PCGF2: variants seen among roughly 807,000 people sequenced by gnomAD.
The protein encoded by PCGF2 is polycomb group RING finger protein 2.
PCGF2 carries 8 observed loss-of-function variants against 36.1 expected under a neutral mutation model. That is an observed-to-expected ratio of 0.22 (90% CI 0.13 to 0.40). PCGF2 has a LOEUF of 0.40. Among genes scored for constraint, PCGF2 ranks in the 10% least tolerant of loss-of-function variants. The probability of loss-of-function intolerance (pLI) is 1.00; values close to 1 mark genes in which losing one functional copy is unlikely to be tolerated. For missense variants in PCGF2, 436 were observed against 475.9 expected (o/e 0.92, Z 0.78); for synonymous variants, 198 against 191.2 (o/e 1.04, Z -0.29).
intron 6 of PCGF2, 78 bp from the exon 7 acceptor site, chr17:38,738,939 A>G (rs940088742): frequency 1.3e-6 from 2 of 1,528,602 alleles, no homozygotes; most frequent in African/African-American, 1.4e-5. Context: ...TCATGAACTC[A>G]GCCAGGTGAG....
At chr17:38,749,601 C>T (rs1174547409), upstream of PCGF2, 3 of 454,788 alleles carry the variant, frequency 6.6e-6, no homozygotes, top group East Asian at 2.1e-4. The surrounding 1 kb of genome is among the most constrained non-coding windows in gnomAD (Gnocchi z 6.5). Context: ...CGGCCAGCAG[C>T]GCCATTAAGC....
In PCGF2 at chr17:38,739,401, C is replaced by T. The variant is rs1278821105; in HGVS notation, c.210-148G>A. On this transcript the variant is annotated intron_variant, in intron 4 of 10. Coordinates refer to ENST00000620225, the MANE Select transcript of PCGF2 (RefSeq NM_007144.3). The surrounding 1 kb of genome is among the most constrained non-coding windows in gnomAD (Gnocchi z 4.0). ...AGGATCCCTGTGGGTCTGGTCTTTG[C>T]CCCTCTAGTATGCCTCACCCTGTGA... 2.2e-6 allele frequency: 2 copies of T among 907,608 alleles called. No individual in the cohort carries two copies. The highest frequency in any genetic ancestry group is 3.6e-6 in the Non-Finnish European group (2 of 561,856). The allele number at this position is 907,608 out of a possible 1,614,324, so 56.2% of individuals were successfully genotyped here.
intron 2 of PCGF2, among the ~76,000 whole-genome samples, chr17:38,743,856 G>GA (rs1157878687): frequency 6.6e-6 from 1 of 152,166 alleles, no homozygotes; most frequent in Non-Finnish European, 1.5e-5. Context: ...TGTGCTGTGA[G>GA]AAGGTGAGGG....
chr17:38,738,882 C>G (rs763189159), intron 6 of PCGF2, 21 bp from the exon 7 acceptor site: 27 of 1,603,794 alleles, frequency 1.7e-5, no homozygotes, highest in Non-Finnish European at 2.3e-5. Context: ...AAAGAGCTCT[C>G]GGGTTGGCGG....
chr17:38,738,618 G>C, intron 7 of PCGF2, 23 bp from the exon 8 acceptor site: 2 of 1,567,630 alleles, frequency 1.3e-6, no homozygotes, highest in Admixed American at 1.9e-5. Flanking sequence ...AAAGAATGAA[G>C]CTAGGAAGAC....
Position 38,739,246 on chromosome 17 carries a change from T to C in PCGF2, c.217A>G (p.Lys73Glu), listed in dbSNP as rs371103302. ...TTGTAGACAATGTCTTGAAGTGTTT[T>C]GTCAGACCTGGGGAAAAATGGACAG... Reference protein sequence around the residue: ...TRPLLSIRSDKTLQDIVYKLV... With the variant: ...TRPLLSIRSDETLQDIVYKLV... Residue 73 changes from lysine (K) to glutamate (E), a missense_variant, in exon 5 of 11, where the codon AAA becomes GAA. This residue lies in a region of PCGF2 where 189 missense variants were observed against 219.3 expected (regional missense o/e 0.86). Transcript: ENST00000620225. This position sits in a 1 kb window ranked among gnomAD's most constrained non-coding sequence, Gnocchi z 4.0. The C allele has an allele frequency of 6.8e-6, 11 of 1,613,836 alleles. No homozygotes were observed. Among genetic ancestry groups the C allele is most frequent in the Non-Finnish European group, 9.3e-6 (11 of 1,179,930 alleles).
rs1906484123 is a variant in PCGF2 at position 38,734,049 on chromosome 17, A to C, written c.*1174T>G. The C allele has an allele frequency of 6.6e-6, 1 of 152,288 alleles. No homozygotes were observed. The highest frequency in any genetic ancestry group is 1.5e-5 in the Non-Finnish European group (1 of 68,156). 9.4% of individuals were successfully genotyped at this position (152,288 alleles called of 1,614,324 possible). A position where few individuals can be genotyped will look rare whatever the true frequency, so the allele number is the denominator to read the frequency against. Reference sequence around the variant, plus strand: ...ACCCCACACACCTACGCTATGATGGAATCTCGAGTCTCGACTCCCGACTCC... The same window carrying C: ...ACCCCACACACCTACGCTATGATGGCATCTCGAGTCTCGACTCCCGACTCC... On this transcript the variant is annotated 3_prime_UTR_variant, in exon 11 of 11. Coordinates refer to ENST00000620225, the MANE Select transcript of PCGF2 (RefSeq NM_007144.3).
At chr17:38,738,722 C>T in intron 7 of PCGF2, 31 bp downstream of exon 7, 1 of 1,596,442 alleles carries the variant, frequency 6.3e-7, no homozygotes, top group Non-Finnish European at 8.6e-7. Context: ...AGACTAGGAA[C>T]CCAGAAGGGG....
chr17:38,735,224 CAAGTT>C lies in PCGF2; in HGVS notation c.1029_1033del (p.Thr344ArgfsTer43). On this transcript the variant is annotated frameshift_variant and stop_lost, in exon 11 of 11. Transcript: ENST00000620225. LOFTEE classifies it high-confidence loss of function. The stretch of plus-strand genomic sequence containing the variant: ...GAAGAAGGGAGAGGGTCCCTGGCCT[CAAGTT>C]AAGGGGGGCACGGGAGCGCCGTTGA... 1.4e-6 allele frequency: 2 copies of C among 1,408,368 alleles called. No individual in the cohort carries two copies. The highest frequency in any genetic ancestry group is 1.9e-6 in the Non-Finnish European group (2 of 1,071,226). The allele number at this position is 1,408,368 out of a possible 1,614,324, so 87.2% of individuals were successfully genotyped here.
rs1138349 is a variant in PCGF2 at position 38,738,586 on chromosome 17, G to A, written c.435C>T (p.Asp145=). The A allele has an allele frequency of 0.46, 721,653 of 1,572,030 alleles. 167,169 individuals carry two copies. Among genetic ancestry groups the A allele is most frequent in the African/African-American group, 0.51 (37,496 of 73,582 alleles). Reference sequence around the variant, plus strand: ...CATTCTCCAGGGGGCCCTTCTTCTCGTCCCGGTCCCTGGGGACGGAGAAAG... The same window carrying A: ...CATTCTCCAGGGGGCCCTTCTTCTCATCCCGGTCCCTGGGGACGGAGAAAG... ...IEFYEGARDR[D]EKKGPLENGD... Residue 145 remains aspartate, a synonymous_variant, in exon 8 of 11, where the codon GAC becomes GAT. Transcript: ENST00000620225.
chr17:38,748,378 G>A (rs1907697909), upstream of PCGF2: 1 of 141,924 alleles, frequency 7.0e-6, no homozygotes, highest in Non-Finnish European at 1.6e-5. Context: ...GGGACCGAGG[G>A]GGGAGGGGAG....
chr17:38,735,499 C>T lies in PCGF2; in HGVS notation c.759G>A (p.Ala253=), dbSNP rs74324354. The T allele has an allele frequency of 7.3e-4, 1,166 of 1,593,276 alleles. 22 individuals are homozygous for T. In the East Asian group the frequency reaches 0.025, roughly 34 times the overall value. ...TGTCGCTGACTGACTCACACTCGGA[C>T]GCCCCGCTGGTGTTGGTGCCCTCGG... is the stretch of plus-strand genomic sequence containing the variant. The part of the protein sequence containing the change: ...TPSEGTNTSG[A]SECESVSDKA... The change falls in exon 11 of 11, where the codon GCG becomes GCA. Residue 253 remains alanine (A), a synonymous_variant. Transcript: ENST00000620225.
chr17:38,746,889 A>G (rs1248641695), intron 2 of PCGF2, among the ~76,000 whole-genome samples: 1 of 152,224 alleles, frequency 6.6e-6, no homozygotes, highest in Admixed American at 6.5e-5. Context: ...GCTCCCAGTA[A>G]TAACACCTTG....
upstream of PCGF2, chr17:38,749,659 G>C (rs537377034): frequency 1.3e-5 from 6 of 456,068 alleles, no homozygotes; most frequent in South Asian, 9.3e-5. The surrounding 1 kb of genome is among the most constrained non-coding windows in gnomAD (Gnocchi z 6.5). Context: ...AGGAATCTTC[G>C]CCCAGTTTTG....
chr17:38,736,306 T>C, intron 9 of PCGF2, 136 bp from the exon 10 acceptor site: 1 of 667,988 alleles, frequency 1.5e-6, no homozygotes, highest in Non-Finnish European at 2.7e-6. Context: ...GATTTCACTG[T>C]GGATTTGACT....
At chr17:38,740,574 A>G (rs933114009) in intron 2 of PCGF2, 132 bp from the exon 3 acceptor site, 47 of 601,142 alleles carry the variant, frequency 7.8e-5, no homozygotes, top group Non-Finnish European at 1.3e-4. Flanking sequence ...CTTGACTAAC[A>G]TGGTGAAACC....
intron 3 of PCGF2, 33 bp downstream of exon 3, chr17:38,740,258 C>T (rs575125295): frequency 3.1e-6 from 5 of 1,594,018 alleles, no homozygotes; most frequent in South Asian, 2.2e-5. Flanking sequence ...CAGAGGCTGC[C>T]CACCCTGAGC....
intron 2 of PCGF2, among the ~76,000 whole-genome samples, chr17:38,743,694 A>AT (rs1305933559): frequency 6.6e-6 from 1 of 152,010 alleles, no homozygotes; most frequent in Non-Finnish European, 1.5e-5. Context: ...CCTGATTGCC[A>AT]TGGTTACCTG....
At chr17:38,741,556 G>C (rs1907203295) in intron 2 of PCGF2, among the ~76,000 whole-genome samples, 1 of 152,100 alleles carries the variant, frequency 6.6e-6, no homozygotes. Flanking sequence ...ATGGACACAG[G>C]CTACCCTAAG....
Sources: allele counts gnomAD v4.1 joint callset (sites outside exome capture counted in the v4.1 genomes callset), GRCh38; gene constraint gnomAD v4.1.1; regional missense constraint gnomAD v4.1.1; non-coding constraint Gnocchi (gnomAD v3.1); transcripts MANE v1.5; gene names NCBI Gene and HGNC (gene_info 2026-07-23, HGNC 2026-07-21).